Variants in AP2B1 observed in about 807,000 individuals in gnomAD.
AP2B1 encodes AP-2 complex subunit beta.
AP2B1 carries 23 observed loss-of-function variants against 102.0 expected under a neutral mutation model. That is an observed-to-expected ratio of 0.23 (90% CI 0.16 to 0.32). The LOEUF (loss-of-function observed/expected upper bound fraction) is 0.32. Among genes scored for constraint, AP2B1 ranks in the 10% least tolerant of loss-of-function variants. The pLI, the probability that AP2B1 is intolerant of heterozygous loss-of-function variation, is 1.00. For synonymous variants in AP2B1, 381 were observed against 421.2 expected, an observed-to-expected ratio of 0.90 and a Z score of 1.17; for missense variants, 541 against 1,157.4, an observed-to-expected ratio of 0.47 and a Z score of 7.73.
intron 4 of AP2B1, 120 bp downstream of exon 4, chr17:35,605,960 C>T (rs1439403249): frequency 3.2e-5 from 47 of 1,454,390 alleles, no homozygotes; most frequent in Non-Finnish European, 4.2e-5. Context: ...TTTAAGCATT[C>T]TGTATACCAG....
intron 17 of AP2B1, among the ~76,000 whole-genome samples, chr17:35,681,607 TG>T (rs1235320185): frequency 2.0e-5 from 3 of 151,628 alleles, no homozygotes; most frequent in Admixed American, 2.0e-4. Flanking sequence ...TGGTGGGGGG[TG>T]GGCAGTAAAG....
chr17:35,654,971 A>G (rs1035116386), intron 13 of AP2B1, among the ~76,000 whole-genome samples: 4 of 152,188 alleles, frequency 2.6e-5, no homozygotes, highest in African/African-American at 7.2e-5. Flanking sequence ...TTGGTAAACA[A>G]GCTGGGTAAG....
intron 14 of AP2B1, among the ~76,000 whole-genome samples, chr17:35,666,915 C>T (rs1344818560): frequency 1.3e-5 from 2 of 152,156 alleles, no homozygotes; most frequent in Non-Finnish European, 2.9e-5. Flanking sequence ...GTGGGAGAAT[C>T]GCTTGAGCCC....
At chr17:35,655,469 A>AT (rs1322659322) in intron 13 of AP2B1, among the ~76,000 whole-genome samples, 2 of 152,186 alleles carry the variant, frequency 1.3e-5, no homozygotes, top group African/African-American at 4.8e-5. Context: ...TTTGCTCAAC[A>AT]TAATGTGAGA....
At chr17:35,651,606 T>C (rs2075087963) in intron 13 of AP2B1, among the ~76,000 whole-genome samples, 1 of 152,168 alleles carries the variant, frequency 6.6e-6, no homozygotes, top group African/African-American at 2.4e-5. Context: ...TATATATTAT[T>C]GTTTAAGTGG....
chr17:35,598,187 C>T (rs757432401), intron 2 of AP2B1, 43 bp from the exon 3 acceptor site: 22 of 1,253,954 alleles, frequency 1.8e-5, no homozygotes, highest in Non-Finnish European at 2.4e-5. Context: ...TGCTCTAAGT[C>T]TGTGGTACTG....
intron 5 of AP2B1, among the ~76,000 whole-genome samples, chr17:35,616,140 CTCTTTTTTTTTTTTTTTTTTT>C: frequency 1.3e-5 from 1 of 79,334 alleles, no homozygotes; most frequent in South Asian, 4.3e-4. Context: ...TAAAAAATAT[CTCTTTTTTTTTTTTTTTTTTT>C]TTTTTTTTTT....
At chr17:35,695,328 T>A (rs917029931) in intron 18 of AP2B1, among the ~76,000 whole-genome samples, 7 of 152,122 alleles carry the variant, frequency 4.6e-5, no homozygotes, top group African/African-American at 1.7e-4. Flanking sequence ...ATTTAACTTA[T>A]AAAACTTTCA....
At chr17:35,687,907 G>C (rs2075968501) in intron 18 of AP2B1, among the ~76,000 whole-genome samples, 1 of 152,196 alleles carries the variant, frequency 6.6e-6, no homozygotes, top group Non-Finnish European at 1.5e-5. Flanking sequence ...ATATATTAAA[G>C]TGATTTTTCC....
intron 13 of AP2B1, among the ~76,000 whole-genome samples, chr17:35,654,367 TTTTTG>T (rs2075166936): frequency 6.6e-6 from 1 of 152,142 alleles, no homozygotes; most frequent in Non-Finnish European, 1.5e-5. Flanking sequence ...CCCGCCTGTT[TTTTTG>T]TTTTGTTTTA....
rs750063491 is a variant in AP2B1, at chr17:35,674,223, A to T, written c.2226A>T (p.Thr742=). The stretch of plus-strand genomic sequence containing the variant: ...CTAAAGGCTTGGAGATTTCCGGAAC[A>T]TTTACTCACCGCCAAGGGCACATCT... The part of the protein sequence containing the change: ...VKAKGLEISG[T]FTHRQGHIYM... Residue 742 remains threonine (T), a synonymous_variant, in exon 17 of 22, where the codon ACA becomes ACT. Coordinates refer to ENST00000610402, the MANE Select transcript of AP2B1 (RefSeq NM_001030006.2). The T allele has an allele frequency of 1.9e-6, 3 of 1,614,072 alleles. No individual in the cohort carries two copies. The highest frequency in any genetic ancestry group is 2.5e-6 in the Non-Finnish European group (3 of 1,180,042).
At chr17:35,714,074 A>T in intron 20 of AP2B1, among the ~76,000 whole-genome samples, 1 of 152,230 alleles carries the variant, frequency 6.6e-6, no homozygotes, top group East Asian at 1.9e-4. Flanking sequence ...CCAGTTTTTT[A>T]AATTAAGTGT....
At chr17:35,678,363 A>G (rs982008368) in intron 17 of AP2B1, among the ~76,000 whole-genome samples, 2 of 151,984 alleles carry the variant, frequency 1.3e-5, no homozygotes, top group Non-Finnish European at 1.5e-5. Context: ...TTCCTATTCA[A>G]TCTTATGCCT....
At chr17:35,605,268 A>G (rs1312489994) in intron 3 of AP2B1, among the ~76,000 whole-genome samples, 1 of 141,144 alleles carries the variant, frequency 7.1e-6, no homozygotes, top group East Asian at 2.1e-4. Context: ...TTTTTTAGAC[A>G]CAGGAGTCTC....
intron 14 of AP2B1, among the ~76,000 whole-genome samples, chr17:35,666,707 T>C (rs2075472996): frequency 6.6e-6 from 1 of 152,152 alleles, no homozygotes; most frequent in African/African-American, 2.4e-5. Flanking sequence ...CTCCTATTCC[T>C]TTTCCCTCCT....
chr17:35,712,369 C>G (rs2076468783), intron 20 of AP2B1, among the ~76,000 whole-genome samples: 1 of 152,180 alleles, frequency 6.6e-6, no homozygotes, highest in African/African-American at 2.4e-5. Context: ...TGGCTCATGC[C>G]TGTAATCCCA....
chr17:35,631,287 T>C (rs1397681748), intron 9 of AP2B1, among the ~76,000 whole-genome samples: 1 of 152,154 alleles, frequency 6.6e-6, no homozygotes, highest in Non-Finnish European at 1.5e-5. Flanking sequence ...AATAAAATAT[T>C]GGTTTGTGTG....
intron 1 of AP2B1, 191 bp downstream of exon 1, chr17:35,587,619 A>T (rs1232725930): frequency 6.5e-6 from 1 of 152,800 alleles, no homozygotes; most frequent in Non-Finnish European, 1.5e-5. Context: ...GGTCTCTACC[A>T]TGATGCCTGT....
intron 3 of AP2B1, among the ~76,000 whole-genome samples, chr17:35,604,512 C>CT (rs1265432744): frequency 6.6e-6 from 1 of 151,556 alleles, no homozygotes; most frequent in Non-Finnish European, 1.5e-5. Flanking sequence ...AATCCCAGAA[C>CT]TTTGGGAGGC....
Sources: allele counts gnomAD v4.1 joint callset (sites outside exome capture counted in the v4.1 genomes callset), GRCh38; gene constraint gnomAD v4.1.1; transcripts MANE v1.5; gene names NCBI Gene and HGNC (gene_info 2026-07-23, HGNC 2026-07-21).